The following C2CD3 variants were observed in gnomAD, a reference collection of about 807,000 sequenced individuals.
C2CD3 encodes the protein C2 domain containing 3 centriole elongation regulator.
C2CD3 carries 148 observed loss-of-function variants against 234.0 expected under a neutral mutation model. The ratio of observed to expected loss-of-function variants is 0.63; its 90% CI spans 0.55 to 0.72. The LOEUF (loss-of-function observed/expected upper bound fraction) is 0.72, where lower values mean the gene tolerates loss of function less well. Among genes scored for constraint, C2CD3 ranks in the 30% least tolerant of loss-of-function variants. The pLI is 0.00. For synonymous variants in C2CD3, 1,000 were observed against 1,035.4 expected (o/e 0.97, Z 0.66); for missense variants, 2,577 against 2,811.5 (o/e 0.92, Z 1.89).
At chr11:74,131,322 CA>C (rs60280021) in intron 7 of C2CD3, among the ~76,000 whole-genome samples, 3,516 of 100,834 alleles carry the variant, frequency 0.035, 120 homozygotes, top group African/African-American at 0.11. Context: ...GACTCGGTCT[CA>C]AAAAAAAAAA....
intron 7 of C2CD3, among the ~76,000 whole-genome samples, chr11:74,127,643 T>C (rs975755115): frequency 6.6e-6 from 1 of 152,224 alleles, no homozygotes; most frequent in Non-Finnish European, 1.5e-5. Context: ...TATTGTTTTC[T>C]GTCATATGGT....
At position 74,038,846 on chromosome 11, in the gene C2CD3, C is replaced by T. The variant is rs143157431; in HGVS notation, c.5661-1148G>A. Among the ~76,000 whole-genome samples, 273 of 152,306 alleles carry T rather than the reference C, an allele frequency of 1.8e-3. 3 individuals carry two copies. Among genetic ancestry groups the T allele is most frequent in the Non-Finnish European group, 3.4e-3 (234 of 68,030 alleles). ...TCAGTTTCCCTAAGTAGGCCATGGG[C>T]GTCTCAGAATAGAAGATATATCTCA... On this transcript the variant is annotated intron_variant, in intron 29 of 32. Transcript: ENST00000334126.
intron 2 of C2CD3, chr11:74,164,084 A>T: frequency 1.7e-6 from 1 of 594,492 alleles, no homozygotes; most frequent in Non-Finnish European, 2.1e-6. Flanking sequence ...CACTACACTT[A>T]ATTATAAGTC....
At chr11:74,025,547 C>T (rs1726756) in intron 32 of C2CD3, among the ~76,000 whole-genome samples, 1 of 152,054 alleles carries the variant, frequency 6.6e-6, no homozygotes, top group African/African-American at 2.4e-5. Flanking sequence ...AAAGCAGGAA[C>T]AGCAATTCTG....
chr11:74,054,644 T>C lies in C2CD3; in HGVS notation c.5118A>G (p.Pro1706=). ...SRLSKELLLD[P]QQTLVFKVWH... is the part of the protein sequence containing the mutation. ...AAACTTTGAAGACCAGGGTTTGTTG[T>C]GGGTCCAGAAGCAGCTCTTTTGATA... The change falls in exon 26 of 33, where the codon CCA becomes CCG. Residue 1706 remains proline, a synonymous_variant. Coordinates refer to ENST00000334126, the MANE Select transcript of C2CD3 (RefSeq NM_001286577.2). 1 of 1,612,786 alleles carries C rather than the reference T, an allele frequency of 6.2e-7. No individual in the cohort carries two copies.
At chr11:74,146,341 G>A (rs1855184566) in intron 3 of C2CD3, among the ~76,000 whole-genome samples, 1 of 152,152 alleles carries the variant, frequency 6.6e-6, no homozygotes, top group African/African-American at 2.4e-5. Flanking sequence ...AACTTAAAAG[G>A]TGAATTGAGT....
intron 9 of C2CD3, 72 bp from the exon 10 acceptor site, chr11:74,114,665 G>T: frequency 1.0e-6 from 1 of 970,316 alleles, no homozygotes; most frequent in Non-Finnish European, 1.7e-6. Flanking sequence ...GTTTGCACAG[G>T]CAAGATGAGG....
intron 3 of C2CD3, among the ~76,000 whole-genome samples, chr11:74,158,590 TG>T (rs1856202854): frequency 6.6e-6 from 1 of 151,740 alleles, no homozygotes; most frequent in Admixed American, 6.6e-5. Flanking sequence ...GGCGTGTTGG[TG>T]CATGCCTGTA....
chr11:74,138,126 G>GT (rs2135542879), intron 5 of C2CD3, among the ~76,000 whole-genome samples: 1 of 152,314 alleles, frequency 6.6e-6, no homozygotes, highest in East Asian at 1.9e-4. Flanking sequence ...ACAGTGTAAT[G>GT]TAAGTCAACT....
chr11:74,103,368 G>A lies in C2CD3; in HGVS notation c.2343C>T (p.Phe781=), dbSNP rs1004587096. 2.9e-5 allele frequency: 47 copies of A among 1,614,216 alleles called. No homozygotes were observed. Among genetic ancestry groups the A allele is most frequent in the Non-Finnish European group, 3.8e-5 (45 of 1,180,034 alleles). Residue 781 remains phenylalanine (F), a synonymous_variant, in exon 14 of 33, where the codon TTC becomes TTT. Transcript: ENST00000334126. ...AATTATGGGAGGCTGGCGTAGCTAC[G>A]AAGGTTGAAGGATGTGGTGCTACAG... ...PSPVAPHPST[F]VATPASHNLV...
At chr11:74,087,042 A>G (rs922697303) in intron 20 of C2CD3, among the ~76,000 whole-genome samples, 17 of 152,208 alleles carry the variant, frequency 1.1e-4, no homozygotes, top group African/African-American at 4.1e-4. Flanking sequence ...AACATAAGAT[A>G]GTATATAAAT....
intron 22 of C2CD3, among the ~76,000 whole-genome samples, chr11:74,082,866 C>T (rs1461544024): frequency 7.9e-5 from 12 of 152,078 alleles, no homozygotes; most frequent in African/African-American, 1.7e-4. Context: ...GCCATACTGC[C>T]GAAGGTAATT....
intron 20 of C2CD3, among the ~76,000 whole-genome samples, chr11:74,086,849 T>C (rs1955664092): frequency 6.6e-6 from 1 of 152,222 alleles, no homozygotes; most frequent in South Asian, 2.1e-4. Context: ...TTTCTTGATA[T>C]CCCTAAAGTA....
At chr11:74,118,507 A>C in intron 8 of C2CD3, 125 bp from the exon 9 acceptor site, 1 of 597,558 alleles carries the variant, frequency 1.7e-6, no homozygotes, top group South Asian at 3.2e-5. Flanking sequence ...GAAAGAACTG[A>C]CACCAGGGAG....
At chr11:74,159,365 T>C (rs1020581187) in intron 3 of C2CD3, among the ~76,000 whole-genome samples, 10 of 152,170 alleles carry the variant, frequency 6.6e-5, no homozygotes, top group Non-Finnish European at 1.3e-4. Flanking sequence ...TCAGGAGGTA[T>C]TCCAGAAGAA....
chr11:74,150,509 AAAAAAAC>A (rs1855541944), intron 3 of C2CD3, among the ~76,000 whole-genome samples: 4 of 76,288 alleles, frequency 5.2e-5, no homozygotes, highest in South Asian at 8.8e-4. Context: ...AAAAAAAAAA[AAAAAAAC>A]AAAAAAAAAA....
chr11:74,030,663 C>T (rs555746446), intron 31 of C2CD3, among the ~76,000 whole-genome samples: 4 of 152,292 alleles, frequency 2.6e-5, no homozygotes, highest in Non-Finnish European at 5.9e-5. Flanking sequence ...GTGTTTGGTT[C>T]CCCCTTCCCA....
At chr11:74,112,809 G>C (rs1007208361) in intron 11 of C2CD3, among the ~76,000 whole-genome samples, 1 of 152,216 alleles carries the variant, frequency 6.6e-6, no homozygotes, top group Non-Finnish European at 1.5e-5. Flanking sequence ...AAGTGTTGAC[G>C]AGGATGTAGA....
chr11:74,116,375 T>C (rs1360472825), intron 9 of C2CD3, among the ~76,000 whole-genome samples: 2 of 151,956 alleles, frequency 1.3e-5, no homozygotes, highest in East Asian at 3.9e-4. Context: ...TATGAAAATA[T>C]GCTCAACATC....
Sources: allele counts gnomAD v4.1 joint callset (sites outside exome capture counted in the v4.1 genomes callset), GRCh38; gene constraint gnomAD v4.1.1; transcripts MANE v1.5; gene names NCBI Gene and HGNC (gene_info 2026-07-23, HGNC 2026-07-21).